The following HTR2A variants were observed in gnomAD, a reference collection of about 807,000 sequenced individuals.
HTR2A encodes 5-HT2 receptor.
Under a neutral mutation model 31.0 loss-of-function variants are expected in HTR2A, and 14 were observed. That is an observed-to-expected ratio of 0.45 (90% CI 0.30 to 0.71). HTR2A has a LOEUF of 0.71. Ranked by LOEUF, HTR2A falls within the 30% of genes least tolerant of loss-of-function variation. The probability of loss-of-function intolerance (pLI) is 0.09; values close to 1 mark genes in which losing one functional copy is unlikely to be tolerated. For missense variants in HTR2A, 442 were observed against 573.3 expected, an observed-to-expected ratio of 0.77 and a Z score of 2.34; for synonymous variants, 209 against 225.2, an observed-to-expected ratio of 0.93 and a Z score of 0.64.
At chr13:46,853,165 G>C (rs1381018456) in intron 3 of HTR2A, among the ~76,000 whole-genome samples, 1 of 152,082 alleles carries the variant, frequency 6.6e-6, no homozygotes, top group Non-Finnish European at 1.5e-5. Flanking sequence ...AAGATGCCGT[G>C]ATTAATATCG....
intron 3 of HTR2A, among the ~76,000 whole-genome samples, chr13:46,858,188 G>A (rs1372647709): frequency 6.6e-6 from 1 of 152,104 alleles, no homozygotes; most frequent in Non-Finnish European, 1.5e-5. Flanking sequence ...AAGCTTTGGT[G>A]GGAAGGGGAC....
intron 3 of HTR2A, among the ~76,000 whole-genome samples, chr13:46,890,204 G>C (rs929419078): frequency 6.6e-6 from 1 of 152,208 alleles, no homozygotes; most frequent in African/African-American, 2.4e-5. Context: ...TTAGCCGGGC[G>C]TGGTGGCACA....
chr13:46,865,550 T>C (rs142006334), intron 3 of HTR2A, among the ~76,000 whole-genome samples: 20 of 152,330 alleles, frequency 1.3e-4, no homozygotes, highest in Non-Finnish European at 2.5e-4. Flanking sequence ...TCACCTGGAC[T>C]GTACTTGGAG....
At chr13:46,894,387 G>A (rs1286906910) in intron 2 of HTR2A, among the ~76,000 whole-genome samples, 2 of 152,206 alleles carry the variant, frequency 1.3e-5, no homozygotes, top group Admixed American at 6.5e-5. Flanking sequence ...AATCTTCCCC[G>A]GGATGCCGGG....
intron 3 of HTR2A, among the ~76,000 whole-genome samples, chr13:46,885,972 G>T (rs145905892): frequency 6.6e-6 from 1 of 152,004 alleles, no homozygotes; most frequent in African/African-American, 2.4e-5. Context: ...GTATTTTAAG[G>T]TTATTAACCC....
chr13:46,851,308 A>C (rs1950683144), intron 3 of HTR2A, among the ~76,000 whole-genome samples: 1 of 152,146 alleles, frequency 6.6e-6, no homozygotes, highest in Non-Finnish European at 1.5e-5. Flanking sequence ...TAAAAATCTA[A>C]TCAGCCAAAT....
intron 3 of HTR2A, among the ~76,000 whole-genome samples, chr13:46,872,435 AATT>A (rs1330713750): frequency 4.6e-5 from 7 of 152,018 alleles, no homozygotes; most frequent in Admixed American, 1.3e-4. Context: ...CTCAATTAGT[AATT>A]ATTATGCAAA....
chr13:46,864,273 A>G (rs1950803411), intron 3 of HTR2A, among the ~76,000 whole-genome samples: 2 of 152,246 alleles, frequency 1.3e-5, no homozygotes, highest in Non-Finnish European at 1.5e-5. Flanking sequence ...AGGAAGTTAG[A>G]CGATCAGGAA....
rs2138204741 is a variant in HTR2A at position 46,854,710 on chromosome 13, C to T, written c.614-19071G>A. On this transcript the variant is annotated intron_variant, in intron 3 of 3. Transcript: ENST00000542664. ...AGAAGTCAGCAGAGACTCCTAGGCA[C>T]AGAGATGTGATACCATAATTAATAT... Among the ~76,000 whole-genome samples, 2 of 152,262 alleles carry T rather than the reference C, an allele frequency of 1.3e-5. 1 individual carries two copies. The highest frequency in any genetic ancestry group is 3.9e-4 in the East Asian group (2 of 5,178).
At chr13:46,869,253 C>T (rs1315201615) in intron 3 of HTR2A, among the ~76,000 whole-genome samples, 1 of 151,930 alleles carries the variant, frequency 6.6e-6, no homozygotes, top group Non-Finnish European at 1.5e-5. Flanking sequence ...TAAAACAGCC[C>T]AATTAAAAAT....
intron 3 of HTR2A, among the ~76,000 whole-genome samples, chr13:46,856,609 CA>C (rs903429999): frequency 6.6e-6 from 1 of 151,088 alleles, no homozygotes; most frequent in Admixed American, 6.6e-5. Context: ...AAAAAAAATA[CA>C]AAAAAACACT....
intron 3 of HTR2A, among the ~76,000 whole-genome samples, chr13:46,889,499 A>G (rs1192358510): frequency 2.0e-5 from 3 of 152,198 alleles, no homozygotes; most frequent in Non-Finnish European, 4.4e-5. Flanking sequence ...TCATTTAATA[A>G]AGCTAGAAAA....
intron 3 of HTR2A, chr13:46,852,220 CA>C (rs751086394): frequency 5.9e-5 from 9 of 152,210 alleles, no homozygotes; most frequent in Non-Finnish European, 1.3e-4. Flanking sequence ...TTTTCACTTC[CA>C]AAACTGTAAG....
chr13:46,897,703 A>G (rs928661508), upstream of HTR2A, among the ~76,000 whole-genome samples: 4 of 152,120 alleles, frequency 2.6e-5, no homozygotes, highest in African/African-American at 7.2e-5. Flanking sequence ...ATTTTCCTCA[A>G]TAGTTGGGTT....
chr13:46,893,212 GT>G (rs1951069048), intron 2 of HTR2A, among the ~76,000 whole-genome samples: 1 of 152,172 alleles, frequency 6.6e-6, no homozygotes, highest in South Asian at 2.1e-4. Flanking sequence ...GAAGACAAGG[GT>G]GAAGAAAAAT....
intron 3 of HTR2A, among the ~76,000 whole-genome samples, chr13:46,845,883 A>G (rs1476930592): frequency 1.3e-5 from 2 of 152,190 alleles, no homozygotes; most frequent in African/African-American, 4.8e-5. Flanking sequence ...CAGACTGCGC[A>G]CACAACAGTG....
At chr13:46,845,559 G>C (rs1023909384) in intron 3 of HTR2A, among the ~76,000 whole-genome samples, 2 of 151,042 alleles carry the variant, frequency 1.3e-5, no homozygotes, top group Non-Finnish European at 2.9e-5. Flanking sequence ...AGGTACTTGA[G>C]GAATTTGAGG....
intron 3 of HTR2A, among the ~76,000 whole-genome samples, chr13:46,857,124 A>G (rs796494613): frequency 1.3e-5 from 2 of 152,068 alleles, no homozygotes; most frequent in African/African-American, 4.8e-5. Flanking sequence ...ACTTGGTGAA[A>G]TCCTGTCTCT....
Position 46,834,853 on chromosome 13 carries a change from T to C in HTR2A, c.1400A>G (p.Lys467Arg). The C allele has an allele frequency of 1.9e-6, 3 of 1,612,390 alleles. No homozygotes were observed. Among genetic ancestry groups the C allele is most frequent in the Non-Finnish European group, 1.7e-6 (2 of 1,178,932 alleles). ...SKDNSDGVNE[K>R]VSCV is the part of the protein sequence containing the mutation. ...ACTAGCCTATCACACACAGCTCACCTTTTCATTCACTCCGTCGCTATTGTC... is the reference window on the plus strand; with the variant it reads ...ACTAGCCTATCACACACAGCTCACCCTTTCATTCACTCCGTCGCTATTGTC... The change falls in exon 4 of 4, where the codon AAG becomes AGG. Residue 467 changes from lysine (K) to arginine (R), a missense_variant. Transcript: ENST00000542664.
Sources: allele counts gnomAD v4.1 joint callset (sites outside exome capture counted in the v4.1 genomes callset), GRCh38; gene constraint gnomAD v4.1.1; transcripts MANE v1.5; gene names NCBI Gene and HGNC (gene_info 2026-07-23, HGNC 2026-07-21).